Variants in ABCG2 observed in about 807,000 individuals in gnomAD.
ABCG2 encodes the protein broad substrate specificity ATP-binding cassette transporter ABCG2.
A neutral mutation model predicts 73.5 loss-of-function variants in ABCG2; 80 were observed. The ratio of observed to expected loss-of-function variants is 1.09; its 90% confidence interval spans 0.91 to 1.31. The LOEUF is 1.31. Among genes scored for constraint, ABCG2 ranks in the 50% most tolerant of loss-of-function variants. The pLI is 0.00. For synonymous variants in ABCG2, 269 were observed against 282.4 expected (o/e 0.95, Z 0.48); for missense variants, 796 against 786.2 (o/e 1.01, Z -0.15).
At chr4:88,137,012 CAATAA>C (rs56033368) in intron 2 of ABCG2, among the ~76,000 whole-genome samples, 6,744 of 123,396 alleles carry the variant, frequency 0.055, 270 homozygotes, top group East Asian at 0.23. Flanking sequence ...ACCTCCATCT[CAATAA>C]AATAAAATAA....
intron 1 of ABCG2, among the ~76,000 whole-genome samples, chr4:88,216,704 C>T (rs1361086909): frequency 6.6e-6 from 1 of 152,186 alleles, no homozygotes; most frequent in Non-Finnish European, 1.5e-5. Context: ...AGCCTTTTAT[C>T]TTCTCAGGAA....
At chr4:88,157,710 A>G (rs1192788869) in intron 1 of ABCG2, among the ~76,000 whole-genome samples, 1 of 152,170 alleles carries the variant, frequency 6.6e-6, no homozygotes, top group African/African-American at 2.4e-5. Context: ...TCAAAGCTGT[A>G]CTCTGAAAGC....
At chr4:88,122,274 T>C (rs887191270) in intron 5 of ABCG2, among the ~76,000 whole-genome samples, 1 of 152,002 alleles carries the variant, frequency 6.6e-6, no homozygotes, top group Admixed American at 6.6e-5. Flanking sequence ...CAGGAGTTTT[T>C]TTTTCATACC....
chr4:88,099,547 T>TC, intron 11 of ABCG2, 99 bp from the exon 12 acceptor site: 5 of 1,289,930 alleles, frequency 3.9e-6, no homozygotes, highest in Non-Finnish European at 5.2e-6. Flanking sequence ...ACAGCAGGGG[T>TC]TGAACAAGCC....
At chr4:88,182,880 T>C (rs1301787540) in intron 1 of ABCG2, among the ~76,000 whole-genome samples, 4 of 151,520 alleles carry the variant, frequency 2.6e-5, no homozygotes, top group East Asian at 1.9e-4. Context: ...GGTCAGGAGA[T>C]TGAGATCATC....
intron 7 of ABCG2, among the ~76,000 whole-genome samples, chr4:88,117,499 T>A (rs1255860408): frequency 6.6e-6 from 1 of 151,688 alleles, no homozygotes; most frequent in East Asian, 1.9e-4. Context: ...TAGCCGGGCA[T>A]GGTTGTGGGC....
chr4:88,191,823 C>A (rs1414241505), intron 1 of ABCG2, among the ~76,000 whole-genome samples: 2 of 152,094 alleles, frequency 1.3e-5, no homozygotes, highest in Admixed American at 6.6e-5. Context: ...GGATAAACCT[C>A]AAAAACATGC....
intron 1 of ABCG2, among the ~76,000 whole-genome samples, chr4:88,143,052 C>T (rs909912423): frequency 1.3e-5 from 2 of 152,162 alleles, no homozygotes; most frequent in South Asian, 2.1e-4. Context: ...AGTATCACAA[C>T]TATTACCATA....
At chr4:88,135,776 C>T (rs1410315675) in intron 2 of ABCG2, among the ~76,000 whole-genome samples, 1 of 152,156 alleles carries the variant, frequency 6.6e-6, no homozygotes, top group Non-Finnish European at 1.5e-5. Context: ...AATGGGATTA[C>T]TTCTAAAAAG....
At chr4:88,159,229 T>G (rs1218772025), upstream of ABCG2, 2 of 456,018 alleles carry the variant, frequency 4.4e-6, no homozygotes, top group Non-Finnish European at 8.8e-6. Context: ...CTGGGTTTGG[T>G]CGCCGTCACT....
At position 88,153,282 on chromosome 4, in the gene ABCG2, A is replaced by G. The variant is rs188574256; in HGVS notation, c.-20+5104T>C. ...GAATAGGAGTATGACTAGACAGAAG[A>G]TAGTAGGGATGACAAGTTTTTGGGG... On this transcript the variant is annotated intron_variant, in intron 1 of 15. Transcript: ENST00000237612. Among the ~76,000 whole-genome samples the G allele has an allele frequency of 8.7e-3, 1,326 of 152,010 alleles. 27 individuals carry two copies. The highest frequency in any genetic ancestry group is 0.03 in the African/African-American group (1,246 of 41,444).
At position 88,133,315 on chromosome 4, in the gene ABCG2, T is replaced by A. The variant is rs1725028769; in HGVS notation, c.204-680A>T. On this transcript the variant is annotated intron_variant, in intron 2 of 15. Transcript: ENST00000237612. Reference sequence around the variant, plus strand: ...AGCCCAAGAAACATCTAAGTAGAAATCGAGGCTGGGATAAAGCACTTCAGG... The same window carrying A: ...AGCCCAAGAAACATCTAAGTAGAAAACGAGGCTGGGATAAAGCACTTCAGG... Among the ~76,000 whole-genome samples the A allele has an allele frequency of 7.9e-5, 12 of 151,916 alleles. No individual in the cohort carries two copies. In the South Asian group the frequency reaches 2.3e-3, roughly 29 times the overall value.
At chr4:88,098,059 C>T (rs1485618209) in intron 12 of ABCG2, among the ~76,000 whole-genome samples, 1 of 152,160 alleles carries the variant, frequency 6.6e-6, no homozygotes, top group East Asian at 1.9e-4. Flanking sequence ...CCTCCATAAC[C>T]CAAGCCTCCC....
rs369565953 is a variant in ABCG2 at position 88,156,284 on chromosome 4, A to C, written c.-20+2102T>G. On this transcript the variant is annotated intron_variant, in intron 1 of 15. Coordinates refer to ENST00000237612, the MANE Select transcript of ABCG2 (RefSeq NM_004827.3). The stretch of plus-strand genomic sequence containing the variant: ...CAGCTACTTGGTAGGCTGAGGCACA[A>C]GAATCGCTTGAGCCTGGGAGGCGGA... Among the ~76,000 whole-genome samples, 12 of 150,756 alleles carry C rather than the reference A, an allele frequency of 8.0e-5. 1 individual carries two copies. In the East Asian group the frequency reaches 2.0e-3, roughly 25 times the overall value.
In ABCG2 at chr4:88,115,015, CAAG is replaced by C. The variant is rs745365095; in HGVS notation, c.882_884del (p.Phe294del). 50 of 1,612,962 alleles carry C rather than the reference CAAG, an allele frequency of 3.1e-5. No individual in the cohort carries two copies. Among genetic ancestry groups the C allele is most frequent in the South Asian group, 1.1e-4 (10 of 91,000 alleles). ...CAGTGGAATCTCCATTAATGATGTC[CAAG>C]AAGAAGTCTGCAGGGTTATTATAGG... On this transcript the variant is annotated inframe_deletion, in exon 8 of 16. Coordinates refer to ENST00000237612, the MANE Select transcript of ABCG2 (RefSeq NM_004827.3).
chr4:88,222,174 G>T (rs948156018), intron 1 of ABCG2, among the ~76,000 whole-genome samples: 3 of 152,232 alleles, frequency 2.0e-5, no homozygotes, highest in African/African-American at 7.2e-5. Flanking sequence ...GCTTCCATAT[G>T]GTGTTGGGCC....
chr4:88,171,779 C>T (rs1288633132), intron 1 of ABCG2, among the ~76,000 whole-genome samples: 1 of 151,994 alleles, frequency 6.6e-6, no homozygotes, highest in African/African-American at 2.4e-5. Flanking sequence ...TTTGTGTTTG[C>T]TTTAAGACAC....
rs1181510693 is a variant in ABCG2 at position 88,113,334 on chromosome 4, A to C, written c.1163T>G (p.Leu388Trp). 5.0e-6 allele frequency: 8 copies of C among 1,614,196 alleles called. No homozygotes were observed. In the African/African-American group the frequency reaches 5.3e-5, roughly 11 times the overall value. The stretch of plus-strand genomic sequence containing the variant: ...TATAGAGGCCTGGGGATTACCCAGC[A>C]AGTTTTTGAATGAACGCTTGGAAAC... ...RWVSKRSFKN[L>W]LGNPQASIAQ... The change falls in exon 9 of 16, where the codon TTG becomes TGG. Residue 388 changes from leucine to tryptophan, a missense_variant. Coordinates refer to ENST00000237612, the MANE Select transcript of ABCG2 (RefSeq NM_004827.3).
intron 1 of ABCG2, among the ~76,000 whole-genome samples, chr4:88,194,377 C>T (rs1728843363): frequency 1.3e-5 from 2 of 151,512 alleles, no homozygotes; most frequent in Non-Finnish European, 2.9e-5. Context: ...GGTTAAACCC[C>T]GTCTCTACTA....
Sources: allele counts gnomAD v4.1 joint callset (sites outside exome capture counted in the v4.1 genomes callset), GRCh38; gene constraint gnomAD v4.1.1; transcripts MANE v1.5; gene names NCBI Gene and HGNC (gene_info 2026-07-23, HGNC 2026-07-21).